The following SEMA6D variants were observed in gnomAD, a reference collection of about 807,000 sequenced individuals.
SEMA6D encodes semaphorin 6D, also known as semaphorin-6D.
Under a neutral mutation model 106.6 loss-of-function variants are expected in SEMA6D, and 35 were observed. The ratio of observed to expected loss-of-function variants is 0.33; its 90% CI spans 0.25 to 0.44. The LOEUF is 0.44. SEMA6D is among the 20% of genes least tolerant of loss of function. SEMA6D has a pLI of 1.00. For synonymous variants in SEMA6D, 499 were observed against 487.7 expected, an observed-to-expected ratio of 1.02 and a Z score of -0.31; for missense variants, 1,185 against 1,345.9, an observed-to-expected ratio of 0.88 and a Z score of 1.87.
At chr15:47,607,936 C>T (rs979547069) in intron 4 of SEMA6D, among the ~76,000 whole-genome samples, 6 of 152,182 alleles carry the variant, frequency 3.9e-5, no homozygotes, top group Non-Finnish European at 7.3e-5. Flanking sequence ...GTTTTCCTGT[C>T]ATTTCTCTTT....
intron 1 of SEMA6D, among the ~76,000 whole-genome samples, chr15:47,281,556 T>C (rs1487585901): frequency 6.6e-6 from 1 of 151,928 alleles, no homozygotes; most frequent in Non-Finnish European, 1.5e-5. Context: ...TATGTGTGAA[T>C]TTGATCCTGT....
chr15:47,651,832 A>G (rs2077697593), intron 4 of SEMA6D, among the ~76,000 whole-genome samples: 1 of 152,144 alleles, frequency 6.6e-6, no homozygotes. Context: ...TTGCTTTGGT[A>G]TCTGGTCTCC....
intron 3 of SEMA6D, among the ~76,000 whole-genome samples, chr15:47,520,404 T>A (rs2044535100): frequency 6.6e-6 from 1 of 152,168 alleles, no homozygotes; most frequent in Admixed American, 6.5e-5. Flanking sequence ...TCTTTTTTTT[T>A]CTTCACCACA....
At chr15:47,362,659 GCCTCCTAAC>G (rs2038858184) in intron 1 of SEMA6D, among the ~76,000 whole-genome samples, 2 of 152,176 alleles carry the variant, frequency 1.3e-5, no homozygotes, top group African/African-American at 4.8e-5. Context: ...CCTCTCTGGA[GCCTCCTAAC>G]CACCGGTTTG....
intron 2 of SEMA6D, among the ~76,000 whole-genome samples, chr15:47,435,725 A>C (rs981737008): frequency 6.6e-6 from 1 of 151,988 alleles, no homozygotes; most frequent in Non-Finnish European, 1.5e-5. Flanking sequence ...TTTTTAAAAA[A>C]CTGTTTTTCA....
At chr15:47,552,856 A>ATT in intron 3 of SEMA6D, among the ~76,000 whole-genome samples, 1 of 69,476 alleles carries the variant, frequency 1.4e-5, no homozygotes, top group Non-Finnish European at 2.3e-5. Context: ...ATATATAAAT[A>ATT]TATATATATT....
At chr15:47,412,459 A>G (rs983221088) in exon 2 of SEMA6D, 1 of 152,610 alleles carries the variant, frequency 6.6e-6, no homozygotes, top group African/African-American at 2.4e-5. Context: ...AGGATTTCAC[A>G]TTTGCTTGCA....
chr15:47,440,041 C>T (rs145853538), intron 2 of SEMA6D, among the ~76,000 whole-genome samples: 8 of 152,086 alleles, frequency 5.3e-5, no homozygotes, highest in African/African-American at 1.7e-4. Context: ...GCAAGTGGCT[C>T]GCATGCCGGA....
At chr15:47,357,447 G>A (rs889865034) in intron 1 of SEMA6D, among the ~76,000 whole-genome samples, 3 of 152,186 alleles carry the variant, frequency 2.0e-5, no homozygotes, top group South Asian at 4.1e-4. Context: ...AGTGTCTGGA[G>A]GAGCCTAAAA....
At chr15:47,556,930 C>G (rs1279050041) in intron 3 of SEMA6D, among the ~76,000 whole-genome samples, 1 of 152,130 alleles carries the variant, frequency 6.6e-6, no homozygotes, top group Non-Finnish European at 1.5e-5. Flanking sequence ...CTGTGTGACT[C>G]TGAGCATGCC....
rs188129042 is a variant in SEMA6D at position 47,385,687 on chromosome 15, A to T, written c.-238-26706A>T. ...ACTACAGCAATAAAGAATTTTTTTT[A>T]AAAAAAACAAGAATTATCAAGAATT... On this transcript the variant is annotated intron_variant, in intron 1 of 19. Coordinates refer to the SEMA6D transcript ENST00000558014. Among the ~76,000 whole-genome samples, 292 of 151,208 alleles carry T rather than the reference A, an allele frequency of 1.9e-3. 4 individuals carry two copies. The highest frequency in any genetic ancestry group is 0.017 in the South Asian group (83 of 4,812).
At chr15:47,283,350 G>T (rs7176161) in intron 1 of SEMA6D, among the ~76,000 whole-genome samples, 44,197 of 151,962 alleles carry the variant, frequency 0.29, 6,785 homozygotes, top group Middle Eastern at 0.45. Context: ...ACTCATGGAG[G>T]CTGTGACACC....
intron 3 of SEMA6D, among the ~76,000 whole-genome samples, chr15:47,582,253 C>T (rs2076267400): frequency 6.6e-6 from 1 of 152,168 alleles, no homozygotes; most frequent in Non-Finnish European, 1.5e-5. Flanking sequence ...CAGAGTGCTC[C>T]TTGCTTTCTC....
At chr15:47,503,893 T>G (rs943731078) in intron 3 of SEMA6D, among the ~76,000 whole-genome samples, 1 of 152,178 alleles carries the variant, frequency 6.6e-6, no homozygotes, top group African/African-American at 2.4e-5. Context: ...ACTCTAATCT[T>G]TGTGTTTACT....
intron 1 of SEMA6D, among the ~76,000 whole-genome samples, chr15:47,241,042 G>C (rs2032871628): frequency 6.6e-6 from 1 of 152,126 alleles, no homozygotes; most frequent in East Asian, 1.9e-4. Context: ...ACACCAAAAA[G>C]AATGAGAGCT....
chr15:47,497,938 A>C (rs1375932841), intron 3 of SEMA6D, among the ~76,000 whole-genome samples: 1 of 152,096 alleles, frequency 6.6e-6, no homozygotes, highest in African/African-American at 2.4e-5. Context: ...ACACTACATC[A>C]GGACCTCAGC....
intron 4 of SEMA6D, among the ~76,000 whole-genome samples, chr15:47,627,414 A>G (rs1006130657): frequency 6.6e-6 from 1 of 152,188 alleles, no homozygotes; most frequent in Non-Finnish European, 1.5e-5. Context: ...GGCCAAGGTT[A>G]AAATTCTAAC....
intron 1 of SEMA6D, among the ~76,000 whole-genome samples, chr15:47,205,714 C>T (rs1021135260): frequency 1.6e-4 from 24 of 151,790 alleles, no homozygotes; most frequent in African/African-American, 5.8e-4. Context: ...TGAAAACATT[C>T]GAATAGACCA....
Position 47,767,039 on chromosome 15 carries a change from A to G in SEMA6D, c.1711A>G (p.Ile571Val). The G allele has an allele frequency of 1.3e-6, 2 of 1,548,310 alleles. No homozygotes were observed. Among genetic ancestry groups the G allele is most frequent in the Non-Finnish European group, 1.7e-6 (2 of 1,145,786 alleles). The change falls in exon 17 of 19, where the codon ATT (isoleucine) becomes GTT (valine). Residue 571 changes from isoleucine to valine, a missense_variant and splice_region_variant. Physicochemically the swap from Ile to Val is conservative, Grantham distance 29. Transcript: ENST00000536845. ...ACTTGTTCCTTTAATTCTTTTAGAA[A>G]TTTTGCCTACTTCAACTACACCAGA... The part of the protein sequence containing the change: ...NTAHLGDCHE[I>V]LPTSTTPDYK...
Sources: gnomAD v4.1 joint callset for allele counts (sites outside exome capture counted in the v4.1 genomes callset) on GRCh38, gnomAD v4.1.1 for gene constraint, MANE v1.5 for transcripts, NCBI Gene and HGNC (gene_info 2026-07-23, HGNC 2026-07-21) for gene names.